Variants in RXRG observed in about 807,000 individuals in gnomAD.
RXRG encodes the protein retinoic acid receptor RXR-gamma.
Under a neutral mutation model 49.2 loss-of-function variants are expected in RXRG, and 19 were observed. The observed-to-expected ratio is 0.39, with a 90% CI of 0.27 to 0.57. The LOEUF (loss-of-function observed/expected upper bound fraction) is 0.57. Among genes scored for constraint, RXRG ranks in the 20% least tolerant of loss-of-function variants. The pLI is 0.64. For missense variants in RXRG, 452 were observed against 592.5 expected (o/e 0.76, Z 2.46); for synonymous variants, 224 against 216.6 (o/e 1.03, Z -0.30).
In RXRG at chr1:165,436,935, G is replaced by A. The variant is rs113104742; in HGVS notation, c.49+7910C>T. 14 of 1,130,098 alleles carry A rather than the reference G, an allele frequency of 1.2e-5. No homozygotes were observed. In the African/African-American group the frequency reaches 1.5e-4, roughly 12 times the overall value. 70.0% of individuals were successfully genotyped at this position (1,130,098 alleles called of 1,614,324 possible). Reference sequence around the variant, plus strand: ...CCAAACTTGAAAAGTGGAAAAGCCTGTTATCATCTTTAATTCAAAAAGCAT... The same window carrying A: ...CCAAACTTGAAAAGTGGAAAAGCCTATTATCATCTTTAATTCAAAAAGCAT... On this transcript the variant is annotated intron_variant, in intron 1 of 9. Transcript: ENST00000359842.
At position 165,410,850 on chromosome 1, in the gene RXRG, A is replaced by G. The variant is rs376329052; in HGVS notation, c.784-19T>C. The G allele has an allele frequency of 1.9e-5, 30 of 1,614,040 alleles. No homozygotes were observed. The highest frequency in any genetic ancestry group is 2.5e-5 in the Non-Finnish European group (29 of 1,179,970). On this transcript the variant is annotated intron_variant, in intron 5 of 9. Coordinates refer to ENST00000359842, the MANE Select transcript of RXRG (RefSeq NM_006917.5). ...CATTTGTCTGAAAAAGGAACAAAGT[A>G]CTGTGAGGCACAGGTCCCAGGACTC...
At chr1:165,424,857 A>C in intron 2 of RXRG, 1 of 985,556 alleles carries the variant, frequency 1.0e-6, no homozygotes. Context: ...CAGACGATCC[A>C]GAGTCCAGCT....
chr1:165,421,752 G>A (rs1010723368), intron 2 of RXRG, among the ~76,000 whole-genome samples: 13 of 152,022 alleles, frequency 8.6e-5, no homozygotes, highest in South Asian at 6.2e-4. Flanking sequence ...GACTGGTCTC[G>A]AACTCCTGAC....
intron 9 of RXRG, among the ~76,000 whole-genome samples, chr1:165,403,702 G>A (rs1571261394): frequency 6.6e-6 from 1 of 152,296 alleles, no homozygotes. Flanking sequence ...ATGGAAGTAG[G>A]CAAAGGAAAC....
At chr1:165,433,805 T>C (rs1658747295) in intron 1 of RXRG, among the ~76,000 whole-genome samples, 1 of 152,210 alleles carries the variant, frequency 6.6e-6, no homozygotes, top group South Asian at 2.1e-4. Context: ...CCTCCCACCA[T>C]CAACTGGACC....
At chr1:165,412,011 T>C (rs1041935450) in intron 4 of RXRG, among the ~76,000 whole-genome samples, 1 of 152,160 alleles carries the variant, frequency 6.6e-6, no homozygotes, top group African/African-American at 2.4e-5. Flanking sequence ...AAATTATCCT[T>C]TAAGCAGGTG....
Position 165,419,991 on chromosome 1 carries a change from G to C in RXRG, c.321C>G (p.Ser107Arg). ...GTAAGGGCTTGATGTCCTCTGAACT[G>C]CTGACACTGTTGACCACATTTAGCT... Reference protein sequence around the residue: ...SSQLNVVNSVSSSEDIKPLPG... With the variant: ...SSQLNVVNSVRSSEDIKPLPG... Residue 107 changes from serine (S) to arginine (R), a missense_variant, in exon 3 of 10, where the codon AGC (serine) becomes AGG (arginine). Around this residue, in one of 2 missense-constraint regions of RXRG, gnomAD observed 166 missense variants for 151.7 expected, o/e 1.09. Transcript: ENST00000359842. 6.2e-7 allele frequency: 1 copy of C among 1,606,616 alleles called. No homozygotes were observed. The highest frequency in any genetic ancestry group is 8.5e-7 in the Non-Finnish European group (1 of 1,176,450).
chr1:165,420,139 A>G, intron 2 of RXRG, 125 bp from the exon 3 acceptor site: 1 of 733,112 alleles, frequency 1.4e-6, no homozygotes. Flanking sequence ...CCAAGTACAG[A>G]GTATTTGAAA....
chr1:165,436,734 GT>G (rs1238903594), intron 1 of RXRG, among the ~76,000 whole-genome samples: 1 of 152,164 alleles, frequency 6.6e-6, no homozygotes, highest in Non-Finnish European at 1.5e-5. Flanking sequence ...ACCCCAGGCA[GT>G]GACCTTGAGA....
At chr1:165,423,709 C>T (rs184012) in intron 2 of RXRG, among the ~76,000 whole-genome samples, 6 of 145,074 alleles carry the variant, frequency 4.1e-5, no homozygotes, top group South Asian at 2.2e-4. Context: ...TTGCTGGGGG[C>T]GGTGGGGAGG....
chr1:165,427,458 G>A (rs921445646), intron 2 of RXRG, among the ~76,000 whole-genome samples: 1 of 151,126 alleles, frequency 6.6e-6, no homozygotes, highest in Admixed American at 6.6e-5. Flanking sequence ...TGTTTGAGAC[G>A]GAGTCTCGCT....
intron 7 of RXRG, among the ~76,000 whole-genome samples, chr1:165,408,700 C>T (rs1657839196): frequency 6.6e-6 from 1 of 152,112 alleles, no homozygotes; most frequent in Non-Finnish European, 1.5e-5. Context: ...CAGCAGAGGG[C>T]AGCATTCAAT....
intron 4 of RXRG, among the ~76,000 whole-genome samples, chr1:165,411,851 G>T (rs112079230): frequency 6.6e-5 from 10 of 152,262 alleles, no homozygotes; most frequent in African/African-American, 2.4e-4. Context: ...GCAGACTGCT[G>T]CCCCCTCCAA....
At position 165,417,023 on chromosome 1, in the gene RXRG, G is replaced by A. The variant is rs747564047; in HGVS notation, c.622+18C>T. On this transcript the variant is annotated intron_variant, in intron 4 of 9. Transcript: ENST00000359842. The stretch of plus-strand genomic sequence containing the variant: ...TGCCTCTCTCCGGACACGAGTTTTG[G>A]AACTGAATGTGTCTCACCTTCCCTC... 8.1e-6 allele frequency: 13 copies of A among 1,602,742 alleles called. No homozygotes were observed. The South Asian group carries it at 1.5e-4, about 18-fold the overall frequency.
intron 1 of RXRG, among the ~76,000 whole-genome samples, chr1:165,430,136 A>G (rs1407160588): frequency 6.6e-6 from 1 of 152,206 alleles, no homozygotes; most frequent in Non-Finnish European, 1.5e-5. Context: ...GGAGAGGATT[A>G]AGTGCTCAGT....
chr1:165,411,654 T>C (rs1349954514), intron 4 of RXRG, among the ~76,000 whole-genome samples: 1 of 152,132 alleles, frequency 6.6e-6, no homozygotes, highest in Non-Finnish European at 1.5e-5. Context: ...GGGTATTTAG[T>C]AAGTGAAGGG....
intron 8 of RXRG, 40 bp downstream of exon 8, chr1:165,408,187 G>T: frequency 6.9e-7 from 1 of 1,459,820 alleles, no homozygotes; most frequent in Non-Finnish European, 9.6e-7. Flanking sequence ...CGTGGAAGAG[G>T]GCTGAACACA....
chr1:165,401,617 G>A (rs920623014), intron 9 of RXRG, among the ~76,000 whole-genome samples: 5 of 152,334 alleles, frequency 3.3e-5, no homozygotes, highest in South Asian at 2.1e-4. Context: ...AAGCTGGAGC[G>A]CATGACCCTT....
chr1:165,414,939 AT>A (rs1170215151), intron 4 of RXRG, among the ~76,000 whole-genome samples: 1 of 152,216 alleles, frequency 6.6e-6, no homozygotes, highest in Non-Finnish European at 1.5e-5. Context: ...TCATTCAACA[AT>A]TTATTAAATG....
Sources: gnomAD v4.1 joint callset for allele counts (sites outside exome capture counted in the v4.1 genomes callset) on GRCh38, gnomAD v4.1.1 for gene constraint, gnomAD v4.1.1 regional missense constraint, MANE v1.5 for transcripts, NCBI Gene and HGNC (gene_info 2026-07-23, HGNC 2026-07-21) for gene names.